Variants in FAM135A observed in about 807,000 individuals in gnomAD.
FAM135A encodes family with sequence similarity 135 member A.
FAM135A carries 79 observed loss-of-function variants against 146.8 expected under a neutral mutation model. The ratio of observed to expected loss-of-function variants is 0.54; its 90% confidence interval spans 0.45 to 0.65. The LOEUF (loss-of-function observed/expected upper bound fraction) is 0.65, where lower values mean the gene tolerates loss of function less well. Ranked by LOEUF, FAM135A falls within the 30% of genes least tolerant of loss-of-function variation. The pLI is 0.00. For synonymous variants in FAM135A, 562 were observed against 603.6 expected (o/e 0.93, Z 1.01); for missense variants, 1,623 against 1,758.2 (o/e 0.92, Z 1.38).
chr6:70,528,461 C>T lies in FAM135A; in HGVS notation c.3775+9C>T, dbSNP rs1168710923. 1.3e-6 allele frequency: 2 copies of T among 1,578,324 alleles called. No homozygotes were observed. Among genetic ancestry groups the T allele is most frequent in the Non-Finnish European group, 1.7e-6 (2 of 1,165,486 alleles). On this transcript the variant is annotated intron_variant, in intron 16 of 21. Transcript: ENST00000418814. ...TGTGCACGGTTTAGATGGTATGTGA[C>T]ATCTATGGATGTAACCCAGAGCAAC...
chr6:70,560,191 T>A lies in FAM135A; in HGVS notation c.*270T>A, dbSNP rs948874370. 2 of 331,090 alleles carry A rather than the reference T, an allele frequency of 6.0e-6. No homozygotes were observed. The highest frequency in any genetic ancestry group is 4.3e-5 in the African/African-American group (2 of 46,212). 20.5% of individuals were successfully genotyped at this position (331,090 alleles called of 1,614,324 possible). A position where few individuals can be genotyped will look rare whatever the true frequency, so the allele number is the denominator to read the frequency against. ...CTACCTAAGTATTTCAGTGAAACTT[T>A]AAGCCCATACCTGTGTCTGATTGTT... On this transcript the variant is annotated 3_prime_UTR_variant, in exon 22 of 22. Transcript: ENST00000418814.
chr6:70,503,894 G>A (rs541032457), intron 12 of FAM135A: 1 of 152,078 alleles, frequency 6.6e-6, no homozygotes, highest in Non-Finnish European at 1.5e-5. Context: ...CCATTCTACT[G>A]TTGATAGATT....
chr6:70,488,642 A>G (rs561677831), intron 10 of FAM135A, among the ~76,000 whole-genome samples: 5 of 152,234 alleles, frequency 3.3e-5, no homozygotes, highest in Non-Finnish European at 7.4e-5. Context: ...ATGGCCTACT[A>G]TTCACTGAAA....
At chr6:70,543,303 A>G (rs1219438688) in intron 20 of FAM135A, among the ~76,000 whole-genome samples, 3 of 152,188 alleles carry the variant, frequency 2.0e-5, no homozygotes, top group Non-Finnish European at 4.4e-5. Context: ...CATGTCTTCC[A>G]TTCTACTCTT....
intron 1 of FAM135A, among the ~76,000 whole-genome samples, chr6:70,414,543 TCTTAA>T (rs1420788898): frequency 7.0e-6 from 1 of 142,534 alleles, no homozygotes; most frequent in Non-Finnish European, 1.5e-5. Flanking sequence ...AAGTCAAGCC[TCTTAA>T]CTTCATTCCA....
chr6:70,523,144 A>C (rs1793974028), intron 13 of FAM135A, among the ~76,000 whole-genome samples: 1 of 152,300 alleles, frequency 6.6e-6, no homozygotes, highest in East Asian at 1.9e-4. Context: ...GAAGTTATAA[A>C]CAAGCAAAAG....
chr6:70,421,833 A>G (rs1768920274), intron 2 of FAM135A, among the ~76,000 whole-genome samples: 1 of 152,206 alleles, frequency 6.6e-6, no homozygotes. Flanking sequence ...TCAAAGGCAT[A>G]GGTTTAAAGT....
chr6:70,451,590 C>T (rs1334428357), intron 4 of FAM135A, among the ~76,000 whole-genome samples: 1 of 152,182 alleles, frequency 6.6e-6, no homozygotes. Context: ...ACTGACCTTT[C>T]ATTTACTCTT....
At chr6:70,522,412 G>A in intron 12 of FAM135A, 101 bp from the exon 13 acceptor site, 1 of 893,370 alleles carries the variant, frequency 1.1e-6, no homozygotes, top group Non-Finnish European at 1.8e-6. Flanking sequence ...ACGGGTGATT[G>A]TGGAAGGCGT....
intron 5 of FAM135A, among the ~76,000 whole-genome samples, chr6:70,456,966 T>A (rs116541217): frequency 6.6e-6 from 1 of 152,194 alleles, no homozygotes; most frequent in Non-Finnish European, 1.5e-5. Flanking sequence ...TAGTTTAGAA[T>A]TATGACTCTG....
rs1490924785 is a variant in FAM135A at position 70,526,009 on chromosome 6, C to T, written c.2925C>T (p.Gly975=). The T allele has an allele frequency of 1.9e-6, 3 of 1,612,216 alleles. No individual in the cohort carries two copies. Among genetic ancestry groups the T allele is most frequent in the African/African-American group, 2.7e-5 (2 of 74,820 alleles). ...TAAATTCAAAACTGATTTGTTTAGG[C>T]ACTCCTTGTGTCATTTCAGGTTCCA... ...ITLNSKLICL[G]TPCVISGSIS... Residue 975 remains glycine, a synonymous_variant, in exon 15 of 22, where the codon GGC becomes GGT. Coordinates refer to ENST00000418814, the MANE Select transcript of FAM135A (RefSeq NM_001162529.3).
rs1332640898 is a variant in FAM135A, at chr6:70,475,455, G to C, written c.203G>C (p.Cys68Ser). ...GCCTCAGTTCATGATTCTCTAATTT[G>C]CAGTAAAACATTTCAAATTTTGTAC... ...FPASVHDSLI[C>S]SKTFQILYKN... The change falls in exon 6 of 22, where the codon TGC (cysteine) becomes TCC (serine). Residue 68 changes from cysteine to serine, a missense_variant. Physicochemically the swap from Cys to Ser is moderately radical, Grantham distance 112. Coordinates refer to ENST00000418814, the MANE Select transcript of FAM135A (RefSeq NM_001162529.3). 1 of 1,604,238 alleles carries C rather than the reference G, an allele frequency of 6.2e-7. No individual in the cohort carries two copies. The highest frequency in any genetic ancestry group is 2.2e-5 in the East Asian group (1 of 44,510).
intron 20 of FAM135A, among the ~76,000 whole-genome samples, chr6:70,549,800 A>C (rs577304354): frequency 1.3e-5 from 2 of 152,298 alleles, no homozygotes; most frequent in East Asian, 3.9e-4. Context: ...TTCCTTTCAC[A>C]AAAGATATCT....
chr6:70,516,736 C>T (rs1197902591), intron 12 of FAM135A, among the ~76,000 whole-genome samples: 3 of 151,740 alleles, frequency 2.0e-5, no homozygotes, highest in East Asian at 1.9e-4. Flanking sequence ...GAGGTTTCAC[C>T]GTGTTAGCCA....
At chr6:70,522,421 GT>G in intron 12 of FAM135A, 91 bp from the exon 13 acceptor site, 4 of 1,015,204 alleles carry the variant, frequency 3.9e-6, no homozygotes, top group Non-Finnish European at 6.1e-6. Context: ...TGTGGAAGGC[GT>G]AATGGAGGCA....
At chr6:70,498,904 C>A (rs914425386) in intron 11 of FAM135A, among the ~76,000 whole-genome samples, 2 of 152,056 alleles carry the variant, frequency 1.3e-5, no homozygotes, top group African/African-American at 4.8e-5. Context: ...ATTATGTAAT[C>A]GATTTTAGAA....
chr6:70,435,374 G>A (rs1315839036), intron 4 of FAM135A, among the ~76,000 whole-genome samples: 3 of 151,942 alleles, frequency 2.0e-5, no homozygotes, highest in Admixed American at 6.6e-5. Context: ...CAAAGTGCTG[G>A]GATTACAGGC....
At chr6:70,429,644 G>T (rs1771037848) in intron 4 of FAM135A, among the ~76,000 whole-genome samples, 1 of 152,190 alleles carries the variant, frequency 6.6e-6, no homozygotes, top group African/African-American at 2.4e-5. Flanking sequence ...AATGTCTAGA[G>T]AAGAGTTGAC....
At chr6:70,505,819 T>C (rs781564207) in intron 12 of FAM135A, among the ~76,000 whole-genome samples, 8 of 152,150 alleles carry the variant, frequency 5.3e-5, no homozygotes, top group Non-Finnish European at 1.0e-4. Context: ...GTGTTTTGTT[T>C]TGTTTCATTA....
Sources: allele counts gnomAD v4.1 joint callset (sites outside exome capture counted in the v4.1 genomes callset), GRCh38; gene constraint gnomAD v4.1.1; transcripts MANE v1.5; gene names NCBI Gene and HGNC (gene_info 2026-07-23, HGNC 2026-07-21).